Variants in HADHA observed in about 807,000 individuals in gnomAD.
HADHA encodes the protein trifunctional enzyme subunit alpha, mitochondrial.
Under a neutral mutation model 91.3 loss-of-function variants are expected in HADHA, and 59 were observed. That is an observed-to-expected ratio of 0.65 (90% CI 0.52 to 0.80). HADHA has a LOEUF of 0.80. HADHA is among the 30% of genes least tolerant of loss of function. The pLI, the probability that HADHA is intolerant of heterozygous loss-of-function variation, is 0.00. For missense variants in HADHA, 800 were observed against 927.6 expected (o/e 0.86, Z 1.79); for synonymous variants, 320 against 338.9 (o/e 0.94, Z 0.61).
chr2:26,204,231 TG>T (rs1264744911), intron 11 of HADHA, 35 bp from the exon 12 acceptor site: 21 of 1,606,690 alleles, frequency 1.3e-5, no homozygotes, highest in Non-Finnish European at 1.7e-5. Context: ...TTCGGTAAAC[TG>T]ATCTTAATCA....
At position 26,238,952 on chromosome 2, in the gene HADHA, A is replaced by C. The variant is rs1558331903; in HGVS notation, c.162T>G (p.Ile54Met). 6.2e-7 allele frequency: 1 copy of C among 1,604,106 alleles called. No homozygotes were observed. The highest frequency in any genetic ancestry group is 8.5e-7 in the Non-Finnish European group (1 of 1,171,968). The change falls in exon 3 of 20, where the codon ATT (isoleucine) becomes ATG (methionine). Residue 54 changes from isoleucine (I) to methionine (M), a missense_variant. Coordinates refer to ENST00000380649, the MANE Select transcript of HADHA (RefSeq NM_000182.5). ...GAGATACCTTTGAATTGGGAGAGTT[A>C]ATTCGAACAACTGCCACATCCCCTT... ...GVKGDVAVVR[I>M]NSPNSKVNTL...
intron 11 of HADHA, among the ~76,000 whole-genome samples, chr2:26,207,837 G>T (rs1217663801): frequency 6.6e-6 from 1 of 152,122 alleles, no homozygotes; most frequent in Non-Finnish European, 1.5e-5. Context: ...TCATATGAAA[G>T]ATTAATTTGT....
At chr2:26,227,638 G>A (rs1670516224) in intron 7 of HADHA, among the ~76,000 whole-genome samples, 3 of 152,116 alleles carry the variant, frequency 2.0e-5, no homozygotes, top group Non-Finnish European at 4.4e-5. Flanking sequence ...ATGCAAAAGA[G>A]TATAACCACT....
chr2:26,223,775 T>A (rs1670426482), intron 7 of HADHA, among the ~76,000 whole-genome samples: 5 of 152,046 alleles, frequency 3.3e-5, no homozygotes, highest in Admixed American at 3.3e-4. Context: ...GAGATGGAGT[T>A]TCACTCTGTC....
intron 11 of HADHA, among the ~76,000 whole-genome samples, chr2:26,206,522 C>A (rs1242372265): frequency 1.3e-5 from 2 of 152,144 alleles, no homozygotes; most frequent in Non-Finnish European, 2.9e-5. Flanking sequence ...AGCCACCACA[C>A]CTGGCCAAAA....
intron 11 of HADHA, among the ~76,000 whole-genome samples, chr2:26,204,866 G>A (rs903047829): frequency 5.3e-5 from 8 of 152,032 alleles, no homozygotes; most frequent in Admixed American, 4.6e-4. Context: ...GGGATTACAG[G>A]TGTGAGCCAT....
chr2:26,215,568 G>T (rs899251678), intron 7 of HADHA, among the ~76,000 whole-genome samples: 1 of 152,184 alleles, frequency 6.6e-6, no homozygotes, highest in Non-Finnish European at 1.5e-5. Flanking sequence ...AGGACAACAT[G>T]AACTAAAATT....
chr2:26,215,239 A>G, intron 7 of HADHA, 64 bp from the exon 8 acceptor site: 2 of 1,535,306 alleles, frequency 1.3e-6, no homozygotes, highest in African/African-American at 1.4e-5. Context: ...GTAGTGAAAA[A>G]CCCAGACTTG....
At chr2:26,194,665 C>T in intron 15 of HADHA, 27 bp from the exon 16 acceptor site, 1 of 1,416,524 alleles carries the variant, frequency 7.1e-7, no homozygotes, top group Non-Finnish European at 1.0e-6. Context: ...CATGAGCTCC[C>T]TGGCCCTGCT....
rs766188621 is a variant in HADHA, at chr2:26,192,385, C to A, written c.1925G>T (p.Gly642Val). Reference protein sequence around the residue: ...SGKGFYIYQEGVKRKDLNSDM... With the variant: ...SGKGFYIYQEVVKRKDLNSDM... ...AGAATTCAAATCCTTCCTCTTCACA[C>A]CCTCCTGATAGATGTAAAAGCCCTT... Residue 642 changes from glycine to valine, a missense_variant, in exon 18 of 20, where the codon GGT (glycine) becomes GTT (valine). Gly to Val is a moderately radical substitution (Grantham distance 109). Coordinates refer to ENST00000380649, the MANE Select transcript of HADHA (RefSeq NM_000182.5). The A allele has an allele frequency of 1.4e-5, 22 of 1,608,068 alleles. No individual in the cohort carries two copies. In the Admixed American group the frequency reaches 3.7e-4, roughly 27 times the overall value.
rs1371916759 is a variant in HADHA, at chr2:26,197,757, G to C, written c.1413C>G (p.Ile471Met). The C allele has an allele frequency of 6.5e-7, 1 of 1,533,944 alleles. No individual in the cohort carries two copies. Among genetic ancestry groups the C allele is most frequent in the African/African-American group, 1.4e-5 (1 of 73,374 alleles). Residue 471 changes from isoleucine to methionine, a missense_variant, in exon 14 of 20, where the codon ATC becomes ATG. Physicochemically the swap from Ile to Met is conservative, Grantham distance 10. Coordinates refer to ENST00000380649, the MANE Select transcript of HADHA (RefSeq NM_000182.5). ...EVEAVIPDHC[I>M]FASNTSALPI... ...GGAGAGCAGATGTGTTACTGGCAAA[G>C]ATACAGTGATCTGGAATCACCTGCA...
intron 13 of HADHA, 67 bp from the exon 14 acceptor site, chr2:26,197,844 G>A (rs1669719225): frequency 2.4e-6 from 2 of 816,992 alleles, no homozygotes; most frequent in Non-Finnish European, 4.4e-6. Context: ...CCACATCAAA[G>A]CTAATGAGTG....
chr2:26,227,220 G>A (rs183404053), intron 7 of HADHA, among the ~76,000 whole-genome samples: 1 of 152,168 alleles, frequency 6.6e-6, no homozygotes, highest in East Asian at 1.9e-4. Context: ...AATGAAATAT[G>A]ACTAATTCCA....
At chr2:26,200,100 G>C (rs1417309784) in intron 13 of HADHA, among the ~76,000 whole-genome samples, 2 of 152,170 alleles carry the variant, frequency 1.3e-5, no homozygotes, top group East Asian at 3.8e-4. Context: ...CCAAGGAATG[G>C]GTTTTGTTAG....
chr2:26,239,061 A>C, intron 2 of HADHA, 41 bp downstream of exon 2: 1 of 1,567,758 alleles, frequency 6.4e-7, no homozygotes, highest in Non-Finnish European at 8.8e-7. Context: ...TAAATCCAAA[A>C]AGCAATGTAA....
intron 1 of HADHA, among the ~76,000 whole-genome samples, chr2:26,243,868 G>A (rs771073767): frequency 2.6e-5 from 4 of 152,190 alleles, no homozygotes; most frequent in Admixed American, 2.6e-4. Context: ...TTCTCAGAAC[G>A]ATCTAACATT....
In HADHA at chr2:26,238,257, C is replaced by T. The variant is rs569427106; in HGVS notation, c.180+677G>A. On this transcript the variant is annotated intron_variant, in intron 3 of 19. Coordinates refer to ENST00000380649, the MANE Select transcript of HADHA (RefSeq NM_000182.5). ...CTGGGCTGAAGTGATCCTCCTGCCT[C>T]GGCCATCCAGTGTTGGGATTATAGG... Among the ~76,000 whole-genome samples the T allele has an allele frequency of 3.9e-5, 6 of 152,238 alleles. No homozygotes were observed. The South Asian group carries it at 6.2e-4, about 16-fold the overall frequency.
Position 26,234,160 on chromosome 2 carries a change from C to A in HADHA, c.453+57G>T, listed in dbSNP as rs1670691648. On this transcript the variant is annotated intron_variant, in intron 5 of 19. Transcript: ENST00000380649. Reference sequence around the variant, plus strand: ...AAAGCAGTAGCCTAAGGGTTTACAGCTGATGAATGCCACCAATGAGTTGGA... The same window carrying A: ...AAAGCAGTAGCCTAAGGGTTTACAGATGATGAATGCCACCAATGAGTTGGA... 3.3e-6 allele frequency: 5 copies of A among 1,521,164 alleles called. No homozygotes were observed. The South Asian group carries it at 5.6e-5, about 17-fold the overall frequency. 94.2% of individuals were successfully genotyped at this position (1,521,164 alleles called of 1,614,324 possible). A position where few individuals can be genotyped will look rare whatever the true frequency, so the allele number is the denominator to read the frequency against.
At chr2:26,234,712 G>A (rs1670705768) in intron 4 of HADHA, among the ~76,000 whole-genome samples, 1 of 150,578 alleles carries the variant, frequency 6.6e-6, no homozygotes, top group Non-Finnish European at 1.5e-5. Flanking sequence ...CTTGCAGTGA[G>A]CCGAGATCGC....
Sources: allele counts gnomAD v4.1 joint callset (sites outside exome capture counted in the v4.1 genomes callset), GRCh38; gene constraint gnomAD v4.1.1; transcripts MANE v1.5; gene names NCBI Gene and HGNC (gene_info 2026-07-23, HGNC 2026-07-21).